The following NDUFAF7 variants were observed in gnomAD, a reference collection of about 807,000 sequenced individuals.
NDUFAF7 encodes the protein NADH:ubiquinone oxidoreductase complex assembly factor 7.
Under a neutral mutation model 47.2 loss-of-function variants are expected in NDUFAF7, and 48 were observed. That is an observed-to-expected ratio of 1.02 (90% CI 0.81 to 1.29). The LOEUF (loss-of-function observed/expected upper bound fraction) is 1.29, where lower values mean the gene tolerates loss of function less well. NDUFAF7 is among the 50% of genes most tolerant of loss of function. NDUFAF7 has a pLI of 0.00. For synonymous variants in NDUFAF7, 217 were observed against 190.0 expected (o/e 1.14, Z -1.17); for missense variants, 635 against 537.6 (o/e 1.18, Z -1.79).
intron 2 of NDUFAF7, among the ~76,000 whole-genome samples, chr2:37,235,500 G>A (rs1019360650): frequency 1.3e-5 from 2 of 152,188 alleles, no homozygotes; most frequent in Middle Eastern, 6.8e-3. Context: ...GGAGCTGGGA[G>A]GGGAGGAAGG....
Position 37,248,640 on chromosome 2 carries a change from C to T in NDUFAF7, c.*290C>T, listed in dbSNP as rs980281871. ...TTTAAAAAGTAAACATGCGGCTGGG[C>T]GTGGTGGCTCATGCCTGTAATCCCA... On this transcript the variant is annotated 3_prime_UTR_variant, in exon 10 of 10. Transcript: ENST00000002125. The T allele has an allele frequency of 1.3e-5, 5 of 378,608 alleles. No individual in the cohort carries two copies. The highest frequency in any genetic ancestry group is 8.4e-5 in the African/African-American group (4 of 47,612). 23.5% of individuals were successfully genotyped at this position (378,608 alleles called of 1,614,324 possible). A position where few individuals can be genotyped will look rare whatever the true frequency, so the allele number is the denominator to read the frequency against.
At chr2:37,260,195 G>T in the NDUFAF7 span, 2 of 1,556,574 alleles carry the variant, frequency 1.3e-6, no homozygotes, top group Non-Finnish European at 1.7e-6. Flanking sequence ...TTAATCGCTA[G>T]TTTAAAAAAA....
chr2:37,253,257 G>GT, downstream of NDUFAF7: 1 of 1,612,658 alleles, frequency 6.2e-7, no homozygotes, highest in African/African-American at 1.3e-5. Flanking sequence ...GTGTATGCAT[G>GT]TATTTCCCAG....
At chr2:37,255,744 G>A (rs1259678982), downstream of NDUFAF7, among the ~76,000 whole-genome samples, 1 of 152,234 alleles carries the variant, frequency 6.6e-6, no homozygotes, top group Non-Finnish European at 1.5e-5. Flanking sequence ...AGTGGCTCAT[G>A]CCTGTAATCC....
At chr2:37,270,360 A>AG in the NDUFAF7 span, among the ~76,000 whole-genome samples, 1 of 151,602 alleles carries the variant, frequency 6.6e-6, no homozygotes, top group East Asian at 1.9e-4. Context: ...GGAAAAAAAA[A>AG]AAAAAAAACT....
At chr2:37,240,621 A>G (rs999274661) in intron 4 of NDUFAF7, among the ~76,000 whole-genome samples, 3 of 152,156 alleles carry the variant, frequency 2.0e-5, no homozygotes, top group African/African-American at 7.2e-5. Context: ...CAGCAAGGTC[A>G]TTTGAATATA....
intron 1 of NDUFAF7, 34 bp from the exon 2 acceptor site, chr2:37,232,072 A>T (rs763069033): frequency 6.2e-7 from 1 of 1,614,106 alleles, no homozygotes; most frequent in Admixed American, 1.7e-5. Context: ...GGTCAGATTT[A>T]TCATGGGGTC....
In NDUFAF7 at chr2:37,248,186, GGATAT is replaced by G. The variant is rs763795830; in HGVS notation, c.1169_1173del (p.Asp390ValfsTer12). 7 of 1,613,966 alleles carry G rather than the reference GGATAT, an allele frequency of 4.3e-6. No individual in the cohort carries two copies. The highest frequency in any genetic ancestry group is 5.9e-6 in the Non-Finnish European group (7 of 1,179,944). Reference sequence around the variant, plus strand: ...ATCAGTGAGGCAGCAGTTACTTCAAGGATATGATATGTTAATGAATCCAAAGAAGA... The same window carrying G: ...ATCAGTGAGGCAGCAGTTACTTCAAGGATATGTTAATGAATCCAAAGAAGA... On this transcript the variant is annotated frameshift_variant, in exon 10 of 10. Transcript: ENST00000002125. LOFTEE classifies it high-confidence loss of function.
chr2:37,248,246 C>A lies in NDUFAF7; in HGVS notation c.1222C>A (p.Leu408Ile). Residue 408 changes from leucine (L) to isoleucine (I), a missense_variant, in exon 10 of 10, where the codon CTA (leucine) becomes ATA (isoleucine). Transcript: ENST00000002125. ...AGAGAGATTTAACTTTTTTGCCTTG[C>A]TACCTCATCAGAGACTTCAAGGTGG... ...MGERFNFFAL[L>I]PHQRLQGGRY... The A allele has an allele frequency of 6.2e-7, 1 of 1,613,884 alleles. No homozygotes were observed.
At chr2:37,261,193 A>G in the NDUFAF7 span, among the ~76,000 whole-genome samples, 1 of 152,224 alleles carries the variant, frequency 6.6e-6, no homozygotes, top group East Asian at 1.9e-4. Flanking sequence ...ATTCCTTATT[A>G]ATAAAGATAC....
the NDUFAF7 span, among the ~76,000 whole-genome samples, chr2:37,266,012 A>C: frequency 6.6e-6 from 1 of 152,202 alleles, no homozygotes; most frequent in Non-Finnish European, 1.5e-5. Context: ...TTCCAAAATT[A>C]GATACGCAAA....
chr2:37,269,864 C>G, the NDUFAF7 span, among the ~76,000 whole-genome samples: 1 of 152,158 alleles, frequency 6.6e-6, no homozygotes, highest in Non-Finnish European at 1.5e-5. Flanking sequence ...AGAGGTTAAG[C>G]CCAAATTTTA....
At position 37,248,403 on chromosome 2, in the gene NDUFAF7, G is replaced by T; in HGVS notation, c.*53G>T. 6.6e-7 allele frequency: 1 copy of T among 1,525,586 alleles called. No individual in the cohort carries two copies. Among genetic ancestry groups the T allele is most frequent in the Non-Finnish European group, 9.1e-7 (1 of 1,100,074 alleles). The allele number at this position is 1,525,586 out of a possible 1,614,324, so 94.5% of individuals were successfully genotyped here. A position where few individuals can be genotyped will look rare whatever the true frequency, so the allele number is the denominator to read the frequency against. Reference sequence around the variant, plus strand: ...AGTCGGCCCAAGAAATCAAAATAAAGGAAACACATTTCATATACTGCAGGT... The same window carrying T: ...AGTCGGCCCAAGAAATCAAAATAAATGAAACACATTTCATATACTGCAGGT... On this transcript the variant is annotated 3_prime_UTR_variant, in exon 10 of 10. Transcript: ENST00000002125.
downstream of NDUFAF7, among the ~76,000 whole-genome samples, chr2:37,249,529 A>G (rs1201871571): frequency 6.7e-6 from 1 of 148,926 alleles, no homozygotes; most frequent in East Asian, 2.0e-4. Context: ...GTGAGGGGAG[A>G]TTGCTCCGTT....
Position 37,241,695 on chromosome 2 carries a change from T to G in NDUFAF7, c.526T>G (p.Leu176Val), listed in dbSNP as rs1200630213. The G allele has an allele frequency of 6.2e-7, 1 of 1,613,954 alleles. No individual in the cohort carries two copies. Among genetic ancestry groups the G allele is most frequent in the Non-Finnish European group, 8.5e-7 (1 of 1,179,932 alleles). ...GACACTGACTAAAGAGAAGGTCCCGTTAGAGCGAAATGCTGGATCCCCAGT... is the reference window on the plus strand; with the variant it reads ...GACACTGACTAAAGAGAAGGTCCCGGTAGAGCGAAATGCTGGATCCCCAGT... ...ALTLTKEKVP[L>V]ERNAGSPVYM... Residue 176 changes from leucine (L) to valine (V), a missense_variant, in exon 5 of 10, where the codon TTA becomes GTA. Coordinates refer to ENST00000002125, the MANE Select transcript of NDUFAF7 (RefSeq NM_144736.5).
the NDUFAF7 span, among the ~76,000 whole-genome samples, chr2:37,266,214 A>C: frequency 6.6e-6 from 1 of 152,240 alleles, no homozygotes; most frequent in Non-Finnish European, 1.5e-5. Flanking sequence ...AAGTAACATA[A>C]TAAATGTAAA....
chr2:37,249,643 G>GACACACACATACACACACACAC (rs1667316294), downstream of NDUFAF7, among the ~76,000 whole-genome samples: 1 of 132,524 alleles, frequency 7.5e-6, no homozygotes, highest in African/African-American at 3.0e-5. Flanking sequence ...CTGTGATAGA[G>GACACACACATACACACACACAC]ACACACACAC....
At chr2:37,251,278 T>A (rs1046001678), downstream of NDUFAF7, 1 of 152,626 alleles carries the variant, frequency 6.6e-6, no homozygotes, top group Non-Finnish European at 1.5e-5. Context: ...GGGGAATGTT[T>A]CCTGGAGGTA....
chr2:37,251,205 T>C (rs868279514), downstream of NDUFAF7: 2 of 152,328 alleles, frequency 1.3e-5, no homozygotes, highest in African/African-American at 2.4e-5. Context: ...TAAAAAAAAA[T>C]TTTTTTTGAA....
Sources: gnomAD v4.1 joint callset for allele counts (sites outside exome capture counted in the v4.1 genomes callset) on GRCh38, gnomAD v4.1.1 for gene constraint, MANE v1.5 for transcripts, NCBI Gene and HGNC (gene_info 2026-07-23, HGNC 2026-07-21) for gene names.